RIC8B: variants seen among roughly 807,000 people sequenced by gnomAD.
RIC8B encodes RIC8 guanine nucleotide exchange factor B.
A neutral mutation model predicts 57.5 loss-of-function variants in RIC8B; 16 were observed. The ratio of observed to expected loss-of-function variants is 0.28; its 90% CI spans 0.19 to 0.42. The LOEUF is 0.42. Ranked by LOEUF, RIC8B falls within the 10% of genes least tolerant of loss-of-function variation. The pLI, the probability that RIC8B is intolerant of heterozygous loss-of-function variation, is 1.00. For synonymous variants in RIC8B, 216 were observed against 250.8 expected, an observed-to-expected ratio of 0.86 and a Z score of 1.31; for missense variants, 481 against 677.0, an observed-to-expected ratio of 0.71 and a Z score of 3.21.
At chr12:106,821,587 G>A (rs1040987027) in intron 3 of RIC8B, among the ~76,000 whole-genome samples, 1 of 152,042 alleles carries the variant, frequency 6.6e-6, no homozygotes, top group Non-Finnish European at 1.5e-5. Flanking sequence ...TATGAGCAAA[G>A]ATTTCTAAAA....
chr12:106,798,163 G>T, intron 2 of RIC8B: 2 of 541,112 alleles, frequency 3.7e-6, no homozygotes, highest in Non-Finnish European at 3.4e-6. Context: ...TTGATGCCTC[G>T]GATTCATTTT....
intron 8 of RIC8B, among the ~76,000 whole-genome samples, chr12:106,865,578 A>G (rs59631716): frequency 1.4e-3 from 215 of 152,266 alleles, no homozygotes; most frequent in African/African-American, 4.8e-3. Context: ...TTCTGGTCCT[A>G]TCTTCATAAT....
At chr12:106,863,074 G>A (rs895028856) in intron 8 of RIC8B, among the ~76,000 whole-genome samples, 6 of 152,108 alleles carry the variant, frequency 3.9e-5, no homozygotes, top group African/African-American at 1.4e-4. Flanking sequence ...CTCTGAGAAT[G>A]GAGGTCCCTT....
intron 2 of RIC8B, among the ~76,000 whole-genome samples, chr12:106,790,807 A>G (rs1566040373): frequency 6.6e-6 from 1 of 152,208 alleles, no homozygotes; most frequent in African/African-American, 2.4e-5. Context: ...TCTGAGATAA[A>G]TCTTTGTGTA....
chr12:106,818,834 T>C (rs868016727), intron 3 of RIC8B, among the ~76,000 whole-genome samples: 7 of 152,140 alleles, frequency 4.6e-5, no homozygotes, highest in South Asian at 2.1e-4. Flanking sequence ...TGGCGCAATC[T>C]TGGCTCACGG....
intron 7 of RIC8B, among the ~76,000 whole-genome samples, chr12:106,859,994 G>T (rs980350363): frequency 3.9e-5 from 6 of 152,044 alleles, no homozygotes; most frequent in Non-Finnish European, 8.8e-5. Flanking sequence ...CTTACCAAAG[G>T]CCTGGCAGTC....
At position 106,879,122 on chromosome 12, in the gene RIC8B, A is replaced by G. The variant is rs1950804279; in HGVS notation, c.1572-6782A>G. ...TGGCAAGCGGGAAGCTGAAACTCGT[A>G]TAGGTAAATTCGAAGGGACTCTTGG... On this transcript the variant is annotated intron_variant, in intron 9 of 9. Transcript: ENST00000392837. The surrounding 1 kb of genome is among the most constrained non-coding windows in gnomAD (Gnocchi z 4.9). The G allele has an allele frequency of 2.0e-6, 2 of 985,802 alleles. No individual in the cohort carries two copies. Among genetic ancestry groups the G allele is most frequent in the Non-Finnish European group, 2.4e-6 (2 of 829,920 alleles). 61.1% of individuals were successfully genotyped at this position (985,802 alleles called of 1,614,324 possible).
chr12:106,803,215 CAAAAAAAAAAA>C (rs55853235), intron 2 of RIC8B, among the ~76,000 whole-genome samples: 6 of 84,000 alleles, frequency 7.1e-5, no homozygotes, highest in African/African-American at 1.5e-4. Context: ...TACCCTGTCT[CAAAAAAAAAAA>C]AAAAAAAAAA....
At chr12:106,836,213 C>T (rs1486790486) in intron 4 of RIC8B, among the ~76,000 whole-genome samples, 1 of 152,222 alleles carries the variant, frequency 6.6e-6, no homozygotes, top group Non-Finnish European at 1.5e-5. Context: ...TACTCCTCAG[C>T]CTCTGAATGA....
chr12:106,819,299 A>G (rs964556053), intron 3 of RIC8B, among the ~76,000 whole-genome samples: 2 of 152,160 alleles, frequency 1.3e-5, no homozygotes, highest in Non-Finnish European at 2.9e-5. Context: ...AAGAGCACCA[A>G]TTGTTCTTGC....
At chr12:106,827,963 A>G (rs570924710) in intron 4 of RIC8B, among the ~76,000 whole-genome samples, 1 of 152,388 alleles carries the variant, frequency 6.6e-6, no homozygotes, top group East Asian at 1.9e-4. Flanking sequence ...TCTCCGAATA[A>G]TGAATTTAAT....
chr12:106,860,583 G>A (rs1949888541), intron 8 of RIC8B, among the ~76,000 whole-genome samples, 171 bp downstream of exon 8: 1 of 152,108 alleles, frequency 6.6e-6, no homozygotes, highest in Non-Finnish European at 1.5e-5. Context: ...GTGACTTCAA[G>A]TGATGGAGGA....
At chr12:106,816,099 G>T (rs1232035343) in intron 3 of RIC8B, among the ~76,000 whole-genome samples, 1 of 152,102 alleles carries the variant, frequency 6.6e-6, no homozygotes, top group Non-Finnish European at 1.5e-5. Context: ...CCTCCTTCTA[G>T]AAGCATAACA....
At chr12:106,789,465 C>G (rs766873509) in intron 2 of RIC8B, among the ~76,000 whole-genome samples, 2 of 152,050 alleles carry the variant, frequency 1.3e-5, no homozygotes, top group Admixed American at 6.5e-5. Flanking sequence ...AAGACATACC[C>G]GAGACTGGGA....
chr12:106,806,331 A>T (rs891451567), intron 2 of RIC8B, among the ~76,000 whole-genome samples: 2 of 152,154 alleles, frequency 1.3e-5, no homozygotes, highest in African/African-American at 2.4e-5. Context: ...CATTTCAAAC[A>T]GCTGACCATT....
At chr12:106,844,691 A>G (rs1949108584) in intron 6 of RIC8B, among the ~76,000 whole-genome samples, 1 of 152,250 alleles carries the variant, frequency 6.6e-6, no homozygotes, top group South Asian at 2.1e-4. Flanking sequence ...GGATGCAAGG[A>G]GACAAGTCCA....
intron 1 of RIC8B, among the ~76,000 whole-genome samples, chr12:106,775,625 T>A (rs1320974597): frequency 2.0e-5 from 3 of 152,234 alleles, no homozygotes; most frequent in African/African-American, 7.2e-5. Context: ...TCTTTCCACT[T>A]CACAACTCTG....
chr12:106,849,661 C>G (rs1949377113), intron 6 of RIC8B, among the ~76,000 whole-genome samples: 1 of 151,948 alleles, frequency 6.6e-6, no homozygotes, highest in Non-Finnish European at 1.5e-5. Flanking sequence ...CCCTAGTTAA[C>G]AGGATGACTT....
intron 2 of RIC8B, among the ~76,000 whole-genome samples, chr12:106,808,898 C>A (rs180962460): frequency 3.3e-5 from 5 of 152,002 alleles, no homozygotes; most frequent in Admixed American, 6.6e-5. Flanking sequence ...CTTGATAGAT[C>A]GTTTGAATGC....
Sources: gnomAD v4.1 joint callset for allele counts (sites outside exome capture counted in the v4.1 genomes callset) on GRCh38, gnomAD v4.1.1 for gene constraint, Gnocchi (gnomAD v3.1) non-coding constraint, MANE v1.5 for transcripts, NCBI Gene and HGNC (gene_info 2026-07-23, HGNC 2026-07-21) for gene names.